KDM4C: variants seen among roughly 807,000 people sequenced by gnomAD.
KDM4C encodes lysine-specific demethylase 4C.
Under a neutral mutation model 129.3 loss-of-function variants are expected in KDM4C, and 81 were observed. The ratio of observed to expected loss-of-function variants is 0.63; its 90% CI spans 0.52 to 0.75. The LOEUF is 0.75. Among genes scored for constraint, KDM4C ranks in the 30% least tolerant of loss-of-function variants. The pLI, the probability that KDM4C is intolerant of heterozygous loss-of-function variation, is 0.00. For synonymous variants in KDM4C, 573 were observed against 456.1 expected (o/e 1.26, Z -3.26); for missense variants, 1,457 against 1,304.0 (o/e 1.12, Z -1.81).
intron 1 of KDM4C, among the ~76,000 whole-genome samples, chr9:6,778,797 T>C (rs1823658393): frequency 6.9e-6 from 1 of 143,886 alleles, no homozygotes; most frequent in African/African-American, 2.6e-5. Flanking sequence ...TTCGTCTATC[T>C]AGGTGGAGAT....
chr9:6,799,329 G>A (rs992685680), intron 2 of KDM4C, among the ~76,000 whole-genome samples: 10 of 152,256 alleles, frequency 6.6e-5, no homozygotes, highest in African/African-American at 1.9e-4. Flanking sequence ...TTGGGAGGCC[G>A]AGGCTGGCGG....
At chr9:6,863,813 G>T (rs150663526) in intron 5 of KDM4C, among the ~76,000 whole-genome samples, 4 of 133,204 alleles carry the variant, frequency 3.0e-5, no homozygotes, top group African/African-American at 9.2e-5. Flanking sequence ...AAAAAAAAAA[G>T]AGAGAGAGAA....
At chr9:6,741,790 A>T (rs1201113464) in intron 1 of KDM4C, among the ~76,000 whole-genome samples, 10 of 146,736 alleles carry the variant, frequency 6.8e-5, no homozygotes, top group African/African-American at 5.0e-5. Flanking sequence ...CTGATTTTGA[A>T]CTCCTGGTCT....
intron 18 of KDM4C, among the ~76,000 whole-genome samples, chr9:7,119,507 G>A (rs146469099): frequency 1.3e-3 from 200 of 151,958 alleles, no homozygotes; most frequent in African/African-American, 4.6e-3. Context: ...TATTATTTAT[G>A]CTCATCAACA....
At chr9:6,720,872 A>ATGATGGTC (rs1816924408) in exon 1 of KDM4C, 1 of 1,302,724 alleles carries the variant, frequency 7.7e-7, no homozygotes, top group Non-Finnish European at 1.1e-6. Context: ...GATGGCTGAC[A>ATGATGGTC]TGATGGTCTG....
intron 17 of KDM4C, among the ~76,000 whole-genome samples, chr9:7,070,050 A>G (rs986912436): frequency 2.0e-5 from 3 of 152,210 alleles, no homozygotes; most frequent in Admixed American, 2.0e-4. Flanking sequence ...AGCAGGCAGA[A>G]CAGGGGGAAA....
chr9:6,862,938 A>G (rs186443074), intron 5 of KDM4C, among the ~76,000 whole-genome samples: 40 of 152,148 alleles, frequency 2.6e-4, no homozygotes, highest in African/African-American at 9.4e-4. Context: ...ATTTTTATGG[A>G]CCCCTTTAAG....
At chr9:6,812,765 T>G (rs1201068742) in intron 3 of KDM4C, among the ~76,000 whole-genome samples, 2 of 152,208 alleles carry the variant, frequency 1.3e-5, no homozygotes, top group Admixed American at 1.3e-4. Flanking sequence ...CTGACTCTGA[T>G]CTTTAGTTAG....
chr9:6,834,323 A>G (rs1411788186), intron 4 of KDM4C: 2 of 294,194 alleles, frequency 6.8e-6, no homozygotes, highest in East Asian at 1.7e-4. Context: ...AGCATGAGCC[A>G]CCCCATCTGG....
intron 4 of KDM4C, among the ~76,000 whole-genome samples, chr9:6,828,349 A>G (rs1365775915): frequency 6.6e-6 from 1 of 151,810 alleles, no homozygotes; most frequent in African/African-American, 2.4e-5. Context: ...GGGTTTCACC[A>G]TGTCAGACAG....
intron 15 of KDM4C, among the ~76,000 whole-genome samples, chr9:7,019,224 T>C (rs1824217215): frequency 6.6e-6 from 1 of 152,254 alleles, no homozygotes; most frequent in African/African-American, 2.4e-5. Flanking sequence ...GTATGATTTC[T>C]TTAAATTTTG....
chr9:7,127,026 A>G (rs1374824224), intron 18 of KDM4C, among the ~76,000 whole-genome samples: 8 of 152,140 alleles, frequency 5.3e-5, no homozygotes, highest in Non-Finnish European at 1.2e-4. Context: ...GGTGGATAGA[A>G]GGAAAGATGG....
At chr9:6,818,558 T>G (rs12005287) in intron 4 of KDM4C, among the ~76,000 whole-genome samples, 4,260 of 152,118 alleles carry the variant, frequency 0.028, 191 homozygotes, top group African/African-American at 0.097. Flanking sequence ...AAATTGATGG[T>G]GAGGGATGTG....
chr9:6,833,155 G>C (rs992102435), intron 4 of KDM4C, among the ~76,000 whole-genome samples: 2 of 151,952 alleles, frequency 1.3e-5, no homozygotes, highest in Non-Finnish European at 2.9e-5. Context: ...CTTTAAAGGG[G>C]GGCTTCATAT....
At chr9:6,792,499 C>T (rs1385196381) in intron 1 of KDM4C, among the ~76,000 whole-genome samples, 5 of 151,982 alleles carry the variant, frequency 3.3e-5, no homozygotes, top group African/African-American at 1.2e-4. Flanking sequence ...AGCAATTTTG[C>T]TGCCTCAGCC....
chr9:7,107,320 C>T (rs1837803206), intron 18 of KDM4C, among the ~76,000 whole-genome samples: 1 of 152,192 alleles, frequency 6.6e-6, no homozygotes, highest in Non-Finnish European at 1.5e-5. Flanking sequence ...AACTGGAAGT[C>T]TTGGAAATGT....
chr9:6,869,737 G>A (rs552695803), intron 5 of KDM4C, among the ~76,000 whole-genome samples: 1 of 152,336 alleles, frequency 6.6e-6, no homozygotes, highest in Non-Finnish European at 1.5e-5. Flanking sequence ...GTTCTTGGGG[G>A]AGGGAACCTG....
At chr9:7,050,599 C>G (rs1303611852) in intron 17 of KDM4C, among the ~76,000 whole-genome samples, 1 of 151,750 alleles carries the variant, frequency 6.6e-6, no homozygotes, top group Non-Finnish European at 1.5e-5. Flanking sequence ...ATATTTTTTT[C>G]TGATTATAAA....
At chr9:7,022,637 C>CTTTTTTTTT (rs375675040) in intron 15 of KDM4C, among the ~76,000 whole-genome samples, 10 of 133,974 alleles carry the variant, frequency 7.5e-5, no homozygotes, top group Non-Finnish European at 1.3e-4. Flanking sequence ...CCCTTTATTT[C>CTTTTTTTTT]TTTTTTTTTT....
Sources: allele counts gnomAD v4.1 joint callset (sites outside exome capture counted in the v4.1 genomes callset), GRCh38; gene constraint gnomAD v4.1.1; transcripts MANE v1.5; gene names NCBI Gene and HGNC (gene_info 2026-07-23, HGNC 2026-07-21).